RBPJ: variants seen among roughly 807,000 people sequenced by gnomAD.
RBPJ encodes the protein recombination signal binding protein for immunoglobulin kappa J region, also known as recombining binding protein suppressor of hairless.
RBPJ carries 9 observed loss-of-function variants against 67.8 expected under a neutral mutation model. The ratio of observed to expected loss-of-function variants is 0.13; its 90% confidence interval spans 0.08 to 0.23. RBPJ has a LOEUF of 0.23. RBPJ is among the 10% of genes least tolerant of loss of function. The pLI, the probability that RBPJ is intolerant of heterozygous loss-of-function variation, is 1.00. For missense variants in RBPJ, 305 were observed against 595.6 expected (o/e 0.51, Z 5.08); for synonymous variants, 198 against 203.3 (o/e 0.97, Z 0.22).
At chr4:26,177,507 G>A (rs2109124626) in intron 1 of RBPJ, among the ~76,000 whole-genome samples, 1 of 152,204 alleles carries the variant, frequency 6.6e-6, no homozygotes, top group East Asian at 1.9e-4. Flanking sequence ...AACCCGAGAG[G>A]TGGAGGTTGC....
chr4:26,129,233 T>C, the RBPJ span, among the ~76,000 whole-genome samples: 1 of 152,158 alleles, frequency 6.6e-6, no homozygotes, highest in South Asian at 2.1e-4. Flanking sequence ...GCTTAGCACC[T>C]CAAATAGGTG....
chr4:26,349,094 G>A (rs952947430), intron 1 of RBPJ, among the ~76,000 whole-genome samples: 2 of 37,094 alleles, frequency 5.4e-5, no homozygotes, highest in Non-Finnish European at 7.6e-5. Flanking sequence ...GTGTGCGCGC[G>A]CGCACGCACT....
At chr4:26,109,875 C>T in the RBPJ span, among the ~76,000 whole-genome samples, 4 of 151,962 alleles carry the variant, frequency 2.6e-5, no homozygotes, top group South Asian at 2.1e-4. Flanking sequence ...AGAAAGCAGA[C>T]AGAATCACCT....
chr4:26,318,783 G>A (rs1009824584), upstream of RBPJ, among the ~76,000 whole-genome samples: 3 of 151,902 alleles, frequency 2.0e-5, no homozygotes, highest in African/African-American at 7.3e-5. Context: ...CGGATCACGA[G>A]GTCAGGAGAT....
At chr4:26,117,465 C>T in the RBPJ span, among the ~76,000 whole-genome samples, 7 of 152,118 alleles carry the variant, frequency 4.6e-5, no homozygotes, top group African/African-American at 1.7e-4. Context: ...TGACGTATTA[C>T]ATGTTGGCCA....
At chr4:26,117,701 C>T in the RBPJ span, among the ~76,000 whole-genome samples, 3 of 152,116 alleles carry the variant, frequency 2.0e-5, no homozygotes, top group African/African-American at 4.8e-5. Context: ...CTTCCTTGTA[C>T]GTTTACTCAT....
rs147248107 is a variant in RBPJ at position 26,174,973 on chromosome 4, G to A, written c.-167+11359G>A. Among the ~76,000 whole-genome samples the A allele has an allele frequency of 8.0e-4, 122 of 152,244 alleles. 1 individual carries two copies. The highest frequency in any genetic ancestry group is 2.7e-3 in the African/African-American group (114 of 41,522). On this transcript the variant is annotated intron_variant, in intron 1 of 4. Transcript: ENST00000512351. ...TAAAGAAAGCTAGTAAACAAGAGAA[G>A]GGAAAGGGATATGAGAAAAAGACAT...
intron 1 of RBPJ, among the ~76,000 whole-genome samples, chr4:26,292,903 T>A (rs1423930096): frequency 6.6e-6 from 1 of 150,762 alleles, no homozygotes. Context: ...TTGGCTATTG[T>A]GAATAATGCT....
chr4:26,241,410 A>T (rs1245017950), intron 1 of RBPJ, among the ~76,000 whole-genome samples: 2 of 152,196 alleles, frequency 1.3e-5, no homozygotes, highest in Admixed American at 1.3e-4. Flanking sequence ...AGGCAAACTC[A>T]GAGGTTGAGG....
chr4:26,193,710 C>G (rs1717652430), intron 1 of RBPJ, among the ~76,000 whole-genome samples: 1 of 152,174 alleles, frequency 6.6e-6, no homozygotes, highest in South Asian at 2.1e-4. Context: ...ACAGCTCAAG[C>G]TTCACACGGC....
chr4:26,127,474 C>T, the RBPJ span, among the ~76,000 whole-genome samples: 1 of 152,148 alleles, frequency 6.6e-6, no homozygotes, highest in African/African-American at 2.4e-5. Context: ...GGTCTGTGGG[C>T]AGAGCTGGAG....
intron 1 of RBPJ, among the ~76,000 whole-genome samples, chr4:26,298,941 C>T (rs542891562): frequency 2.2e-4 from 33 of 151,676 alleles, no homozygotes; most frequent in African/African-American, 7.8e-4. Flanking sequence ...ATTGAAGGCA[C>T]ATTTAAAATT....
intron 1 of RBPJ, among the ~76,000 whole-genome samples, chr4:26,336,324 A>G (rs1224605018): frequency 1.3e-5 from 2 of 152,178 alleles, no homozygotes; most frequent in African/African-American, 4.8e-5. Flanking sequence ...TATTTCTATG[A>G]AAGATTATTT....
intron 1 of RBPJ, among the ~76,000 whole-genome samples, chr4:26,337,359 C>G (rs1240063352): frequency 6.6e-6 from 1 of 152,146 alleles, no homozygotes; most frequent in Non-Finnish European, 1.5e-5. Flanking sequence ...GTTCTTCCAT[C>G]TGTCCTTCTG....
chr4:26,429,532 A>G (rs1736007009), intron 8 of RBPJ, among the ~76,000 whole-genome samples: 1 of 152,110 alleles, frequency 6.6e-6, no homozygotes, highest in African/African-American at 2.4e-5. Context: ...GAGGAGTCCC[A>G]TTGTCTTTCT....
the RBPJ span, among the ~76,000 whole-genome samples, chr4:26,132,656 A>G: frequency 6.6e-6 from 1 of 152,174 alleles, no homozygotes; most frequent in African/African-American, 2.4e-5. Context: ...TTCGCTGGCC[A>G]TAGCCTCAGA....
At chr4:26,387,068 A>G (rs1730989007) in intron 2 of RBPJ, among the ~76,000 whole-genome samples, 1 of 152,150 alleles carries the variant, frequency 6.6e-6, no homozygotes, top group South Asian at 2.1e-4. Context: ...ATCACACTCT[A>G]TCATTGTTCT....
At chr4:26,394,170 G>A (rs576671949) in intron 2 of RBPJ, among the ~76,000 whole-genome samples, 28 of 152,150 alleles carry the variant, frequency 1.8e-4, no homozygotes, top group Admixed American at 5.2e-4. Flanking sequence ...GGGACTACAG[G>A]TACCTGCCAC....
At chr4:26,373,845 G>A (rs749447487) in intron 1 of RBPJ, among the ~76,000 whole-genome samples, 47 of 151,604 alleles carry the variant, frequency 3.1e-4, no homozygotes, top group Non-Finnish European at 5.9e-4. Flanking sequence ...TATGTATGTA[G>A]TCAAGGTGTG....
Sources: gnomAD v4.1 joint callset for allele counts (sites outside exome capture counted in the v4.1 genomes callset) on GRCh38, gnomAD v4.1.1 for gene constraint, MANE v1.5 for transcripts, NCBI Gene and HGNC (gene_info 2026-07-23, HGNC 2026-07-21) for gene names.